PIK3C2G: variants seen among roughly 807,000 people sequenced by gnomAD.
The protein encoded by PIK3C2G is phosphatidylinositol 3-kinase C2 domain-containing subunit gamma.
Under a neutral mutation model 181.1 loss-of-function variants are expected in PIK3C2G, and 168 were observed. The observed-to-expected ratio is 0.93, with a 90% CI of 0.82 to 1.05. PIK3C2G has a LOEUF of 1.05. Among genes scored for constraint, PIK3C2G ranks in the 50% least tolerant of loss-of-function variants. The probability of loss-of-function intolerance (pLI) is 0.00; values close to 1 mark genes in which losing one functional copy is unlikely to be tolerated. For synonymous variants in PIK3C2G, 573 were observed against 592.2 expected (o/e 0.97, Z 0.47); for missense variants, 1,869 against 1,732.8 (o/e 1.08, Z -1.40).
upstream of PIK3C2G, among the ~76,000 whole-genome samples, chr12:18,257,383 A>G (rs1948156240): frequency 6.6e-6 from 1 of 152,214 alleles, no homozygotes; most frequent in Non-Finnish European, 1.5e-5. Flanking sequence ...TGATAGGAAG[A>G]GCCACAGTTG....
chr12:18,664,800 A>G, the PIK3C2G span, among the ~76,000 whole-genome samples: 1 of 151,730 alleles, frequency 6.6e-6, no homozygotes, highest in East Asian at 1.9e-4. Flanking sequence ...AATGTGGCAC[A>G]TATACACCAT....
chr12:18,591,757 T>G (rs988412546), intron 29 of PIK3C2G, among the ~76,000 whole-genome samples: 61 of 151,948 alleles, frequency 4.0e-4, no homozygotes, highest in African/African-American at 1.3e-3. Context: ...ATTTTCATTT[T>G]GAAAGATCTG....
At position 18,351,988 on chromosome 12, in the gene PIK3C2G, G is replaced by A. The variant is rs138479051; in HGVS notation, c.1625+5152G>A. ...TGTGCAAGTACACTCTGGGATGTTC[G>A]CATAACAATAAAATCACCTAATGAT... On this transcript the variant is annotated intron_variant, in intron 11 of 32. Transcript: ENST00000538779. 5.6e-3 allele frequency among the ~76,000 whole-genome samples: 859 copies of A among 152,192 alleles called. 7 individuals carry two copies. Among genetic ancestry groups the A allele is most frequent in the African/African-American group, 0.019 (806 of 41,518 alleles).
intron 18 of PIK3C2G, among the ~76,000 whole-genome samples, chr12:18,472,991 C>T (rs1341743821): frequency 3.3e-5 from 5 of 152,094 alleles, no homozygotes; most frequent in Non-Finnish European, 7.4e-5. Context: ...TGAGCCGTCG[C>T]GCATGGCCTA....
At chr12:18,383,158 T>C (rs1280862428) in intron 14 of PIK3C2G, among the ~76,000 whole-genome samples, 1 of 152,220 alleles carries the variant, frequency 6.6e-6, no homozygotes, top group African/African-American at 2.4e-5. Context: ...AAACATATTC[T>C]ACTAATGAAG....
At chr12:18,639,409 T>C (rs1432450076) in intron 31 of PIK3C2G, among the ~76,000 whole-genome samples, 44 of 152,096 alleles carry the variant, frequency 2.9e-4, no homozygotes, top group Non-Finnish European at 1.0e-4. Context: ...TTCTTGAAAA[T>C]TACTGATTTA....
chr12:18,389,519 C>T (rs186491584), intron 14 of PIK3C2G, among the ~76,000 whole-genome samples: 34 of 152,206 alleles, frequency 2.2e-4, no homozygotes, highest in Non-Finnish European at 2.5e-4. Context: ...TTAATGTGTG[C>T]GCCTTTTCTC....
At chr12:18,385,076 C>T (rs969829643) in intron 14 of PIK3C2G, among the ~76,000 whole-genome samples, 1 of 152,006 alleles carries the variant, frequency 6.6e-6, no homozygotes, top group African/African-American at 2.4e-5. Context: ...GTATGAGTCT[C>T]GGGGAAAGAC....
intron 21 of PIK3C2G, among the ~76,000 whole-genome samples, chr12:18,496,695 A>G (rs1012255083): frequency 6.6e-6 from 1 of 152,118 alleles, no homozygotes; most frequent in East Asian, 1.9e-4. Flanking sequence ...AGAGAGGGAG[A>G]TTAGGGTAAA....
intron 8 of PIK3C2G, among the ~76,000 whole-genome samples, chr12:18,330,364 ATTTGG>A (rs1446013925): frequency 6.6e-6 from 1 of 152,028 alleles, no homozygotes; most frequent in African/African-American, 2.4e-5. Flanking sequence ...TTTGCTCTCA[ATTTGG>A]TTTTATTTTG....
At chr12:18,274,095 A>G (rs1948868961) in intron 1 of PIK3C2G, among the ~76,000 whole-genome samples, 1 of 152,202 alleles carries the variant, frequency 6.6e-6, no homozygotes, top group Admixed American at 6.5e-5. Context: ...AATCAAAACC[A>G]CAATGAGATA....
intron 13 of PIK3C2G, among the ~76,000 whole-genome samples, chr12:18,373,867 G>A (rs1401337436): frequency 2.6e-5 from 4 of 151,210 alleles, no homozygotes; most frequent in African/African-American, 9.7e-5. Flanking sequence ...AAAAAAAAAT[G>A]CTCAAGTCCA....
chr12:18,279,090 G>A (rs995980721), intron 1 of PIK3C2G, among the ~76,000 whole-genome samples: 3 of 151,888 alleles, frequency 2.0e-5, no homozygotes, highest in Non-Finnish European at 4.4e-5. Flanking sequence ...TCATTTGAGC[G>A]AATACTCTGT....
chr12:18,675,789 T>G, the PIK3C2G span, among the ~76,000 whole-genome samples: 1 of 152,050 alleles, frequency 6.6e-6, no homozygotes, highest in Non-Finnish European at 1.5e-5. Context: ...ATACCACATG[T>G]TCTCACTTAT....
At chr12:18,483,904 CTG>C (rs1044160797) in intron 18 of PIK3C2G, among the ~76,000 whole-genome samples, 3 of 152,104 alleles carry the variant, frequency 2.0e-5, no homozygotes, top group Non-Finnish European at 4.4e-5. Flanking sequence ...CTCCACCTGA[CTG>C]TGCATCAATG....
At chr12:18,446,581 A>G (rs915214074) in intron 18 of PIK3C2G, among the ~76,000 whole-genome samples, 12 of 152,108 alleles carry the variant, frequency 7.9e-5, no homozygotes, top group African/African-American at 2.4e-4. Context: ...TAACAGTCCC[A>G]TTAAACCTTC....
At chr12:18,712,952 C>T in the PIK3C2G span, 1 of 1,613,932 alleles carries the variant, frequency 6.2e-7, no homozygotes, top group Non-Finnish European at 8.5e-7. Context: ...TCCCAGCAGT[C>T]AATCTCCAAA....
chr12:18,547,050 A>G (rs1944469857), intron 26 of PIK3C2G, among the ~76,000 whole-genome samples: 1 of 151,966 alleles, frequency 6.6e-6, no homozygotes, highest in African/African-American at 2.4e-5. Context: ...AATAAATGTT[A>G]GCAGTAATTA....
the PIK3C2G span, chr12:18,696,323 TA>T: frequency 6.3e-5 from 1 of 15,946 alleles, no homozygotes; most frequent in Non-Finnish European, 1.3e-4. Context: ...AAAAAGCCAC[TA>T]TATATATATA....
Sources: gnomAD v4.1 joint callset for allele counts (sites outside exome capture counted in the v4.1 genomes callset) on GRCh38, gnomAD v4.1.1 for gene constraint, MANE v1.5 for transcripts, NCBI Gene and HGNC (gene_info 2026-07-23, HGNC 2026-07-21) for gene names.